Variants in MYRIP observed in about 807,000 individuals in gnomAD.
The protein encoded by MYRIP is myosin VIIA and Rab interacting protein.
A neutral mutation model predicts 98.0 loss-of-function variants in MYRIP; 49 were observed. That is an observed-to-expected ratio of 0.50 (90% CI 0.40 to 0.63). MYRIP has a LOEUF of 0.63. Among genes scored for constraint, MYRIP ranks in the 30% least tolerant of loss-of-function variants. MYRIP has a pLI of 0.00. For missense variants in MYRIP, 1,004 were observed against 1,058.2 expected (o/e 0.95, Z 0.71); for synonymous variants, 404 against 409.5 (o/e 0.99, Z 0.16).
intron 1 of MYRIP, among the ~76,000 whole-genome samples, chr3:39,832,050 A>C (rs772134593): frequency 5.3e-5 from 8 of 152,232 alleles, no homozygotes; most frequent in Non-Finnish European, 7.3e-5. Flanking sequence ...AATGTAGAAA[A>C]TAAGCACATC....
chr3:39,843,144 T>A (rs1941853432), intron 1 of MYRIP, among the ~76,000 whole-genome samples: 1 of 152,170 alleles, frequency 6.6e-6, no homozygotes, highest in Non-Finnish European at 1.5e-5. Context: ...CCTAAAGCAG[T>A]TTCACACTCC....
At chr3:40,094,943 C>A (rs1948798022) in intron 3 of MYRIP, among the ~76,000 whole-genome samples, 1 of 152,162 alleles carries the variant, frequency 6.6e-6, no homozygotes, top group African/African-American at 2.4e-5. Flanking sequence ...TCAGAAACCA[C>A]CTCCCTCCCC....
At chr3:40,137,824 T>C (rs1183351292) in intron 3 of MYRIP, among the ~76,000 whole-genome samples, 1 of 152,176 alleles carries the variant, frequency 6.6e-6, no homozygotes, top group Non-Finnish European at 1.5e-5. Context: ...ACTAAATCAA[T>C]GAACCAAGGT....
intron 11 of MYRIP, among the ~76,000 whole-genome samples, chr3:40,226,241 T>G (rs1329947183): frequency 6.6e-6 from 1 of 152,216 alleles, no homozygotes; most frequent in African/African-American, 2.4e-5. Context: ...TATTTTTCTT[T>G]ATTTCAATAA....
intron 4 of MYRIP, among the ~76,000 whole-genome samples, chr3:40,152,337 T>C (rs1254961420): frequency 6.6e-6 from 1 of 152,240 alleles, no homozygotes; most frequent in African/African-American, 2.4e-5. Context: ...CATCCTCGGG[T>C]ATGCTGAATA....
chr3:39,831,845 G>T (rs562559916), intron 1 of MYRIP, among the ~76,000 whole-genome samples: 2 of 152,268 alleles, frequency 1.3e-5, no homozygotes, highest in African/African-American at 4.8e-5. Context: ...GGTGGCTCTC[G>T]TATTGGACAG....
At chr3:40,028,287 T>C (rs1471944889) in intron 2 of MYRIP, among the ~76,000 whole-genome samples, 2 of 152,142 alleles carry the variant, frequency 1.3e-5, no homozygotes, top group African/African-American at 4.8e-5. Flanking sequence ...AAGATACTGC[T>C]AAAGATCAGA....
At chr3:40,076,895 C>T (rs1422802199) in intron 3 of MYRIP, among the ~76,000 whole-genome samples, 1 of 152,134 alleles carries the variant, frequency 6.6e-6, no homozygotes, top group Non-Finnish European at 1.5e-5. Flanking sequence ...TATTTCAGAA[C>T]TCTAATGCTA....
intron 3 of MYRIP, among the ~76,000 whole-genome samples, chr3:40,070,138 A>G (rs932571425): frequency 5.3e-5 from 8 of 152,220 alleles, no homozygotes; most frequent in Non-Finnish European, 8.8e-5. Context: ...TGCCCAAAAC[A>G]GAACATAATA....
rs752854637 is a variant in MYRIP at position 40,244,527 on chromosome 3, G to T, written c.2182G>T (p.Gly728Cys). The change falls in exon 13 of 17, where the codon GGC becomes TGC. Residue 728 changes from glycine to cysteine, a missense_variant. Physicochemically the swap from Gly to Cys is radical, Grantham distance 159. Coordinates refer to ENST00000302541, the MANE Select transcript of MYRIP (RefSeq NM_015460.4). ...AGATGCCGCCCGCTGCATCCACAGT[G>T]GCACTGATGAGACCCATCTGGCGGA... ...LEDAARCIHS[G>C]TDETHLADLE... 19 of 1,613,866 alleles carry T rather than the reference G, an allele frequency of 1.2e-5. No individual in the cohort carries two copies. Among genetic ancestry groups the T allele is most frequent in the Non-Finnish European group, 1.5e-5 (18 of 1,179,906 alleles).
At chr3:40,202,427 A>G (rs374633652) in intron 10 of MYRIP, among the ~76,000 whole-genome samples, 1 of 152,180 alleles carries the variant, frequency 6.6e-6, no homozygotes, top group Non-Finnish European at 1.5e-5. Flanking sequence ...CTGGATTTCA[A>G]TGTGCGCAGA....
intron 10 of MYRIP, among the ~76,000 whole-genome samples, chr3:40,199,510 T>C (rs1436642315): frequency 1.3e-5 from 2 of 152,128 alleles, no homozygotes; most frequent in Admixed American, 1.3e-4. Context: ...GAGGCATGCA[T>C]GTTGGCAGTA....
intron 1 of MYRIP, among the ~76,000 whole-genome samples, chr3:39,812,645 A>G (rs992847894): frequency 2.6e-5 from 4 of 152,278 alleles, no homozygotes; most frequent in Admixed American, 2.6e-4. Context: ...TATAAAAAGG[A>G]AGTATTTTGA....
intron 12 of MYRIP, among the ~76,000 whole-genome samples, chr3:40,242,903 A>T (rs904039013): frequency 1.1e-4 from 17 of 152,046 alleles, no homozygotes; most frequent in African/African-American, 3.9e-4. Context: ...ATTTTGTGAT[A>T]CATTATTTGA....
chr3:40,126,455 A>AT (rs368318907), intron 3 of MYRIP, among the ~76,000 whole-genome samples: 50 of 152,376 alleles, frequency 3.3e-4, no homozygotes, highest in African/African-American at 9.9e-4. Context: ...AAAGGAATGA[A>AT]TGAGGGCTTA....
chr3:40,025,048 A>T (rs988998297), intron 2 of MYRIP, among the ~76,000 whole-genome samples: 3 of 152,164 alleles, frequency 2.0e-5, no homozygotes, highest in African/African-American at 7.2e-5. Flanking sequence ...TAGAAGACTG[A>T]GTGGCTCATA....
chr3:40,007,344 A>T (rs201135829), intron 2 of MYRIP, among the ~76,000 whole-genome samples: 14 of 22,168 alleles, frequency 6.3e-4, no homozygotes, highest in Non-Finnish European at 1.4e-3. Context: ...AATATATGTT[A>T]AAAAAAAAAA....
At chr3:39,949,703 C>A (rs1472741618) in intron 2 of MYRIP, among the ~76,000 whole-genome samples, 2 of 152,122 alleles carry the variant, frequency 1.3e-5, no homozygotes, top group Admixed American at 6.6e-5. Context: ...ATTGATCTGA[C>A]TTTGAGCTCT....
At chr3:40,107,291 C>T (rs531527844) in intron 3 of MYRIP, among the ~76,000 whole-genome samples, 1 of 152,180 alleles carries the variant, frequency 6.6e-6, no homozygotes, top group Non-Finnish European at 1.5e-5. Context: ...CACTTTATGG[C>T]CTCCAGCTTG....
Sources: gnomAD v4.1 joint callset for allele counts (sites outside exome capture counted in the v4.1 genomes callset) on GRCh38, gnomAD v4.1.1 for gene constraint, MANE v1.5 for transcripts, NCBI Gene and HGNC (gene_info 2026-07-23, HGNC 2026-07-21) for gene names.